The following CHD7 variants were observed in gnomAD, a reference collection of about 807,000 sequenced individuals.
The protein encoded by CHD7 is ATP-dependent chromatin remodeler CHD7.
In CHD7, 24 loss-of-function variants were observed where a neutral mutation model predicts 307.3. The observed-to-expected ratio is 0.08, with a 90% CI of 0.06 to 0.11. CHD7 has a LOEUF of 0.11. Ranked by LOEUF, CHD7 falls within the 10% of genes least tolerant of loss-of-function variation. The pLI is 1.00. For synonymous variants in CHD7, 1,363 were observed against 1,349.9 expected (o/e 1.01, Z -0.21); for missense variants, 3,106 against 3,727.1 (o/e 0.83, Z 4.34).
chr8:60,701,715 T>C (rs1806770638), intron 1 of CHD7, among the ~76,000 whole-genome samples: 1 of 152,248 alleles, frequency 6.6e-6, no homozygotes, highest in South Asian at 2.1e-4. Flanking sequence ...AAAAACACTG[T>C]TGGTTTGAAA....
intron 34 of CHD7, among the ~76,000 whole-genome samples, chr8:60,858,641 T>C (rs1805826179): frequency 6.6e-6 from 1 of 152,264 alleles, no homozygotes; most frequent in Admixed American, 6.5e-5. Context: ...AGGGTCTCAC[T>C]CTTTCGCCCA....
chr8:60,774,820 A>T (rs572780443), intron 2 of CHD7, among the ~76,000 whole-genome samples: 1 of 152,314 alleles, frequency 6.6e-6, no homozygotes, highest in South Asian at 2.1e-4. Context: ...TGCTTATGTT[A>T]TCCCAGTCAA....
At chr8:60,772,377 C>G (rs1029351623) in intron 2 of CHD7, among the ~76,000 whole-genome samples, 25 of 152,144 alleles carry the variant, frequency 1.6e-4, no homozygotes, top group African/African-American at 6.0e-4. Flanking sequence ...AATATTGATC[C>G]TTTTAAGGTA....
intron 7 of CHD7, among the ~76,000 whole-genome samples, chr8:60,812,130 A>G (rs1046512133): frequency 6.6e-6 from 1 of 152,166 alleles, no homozygotes; most frequent in Non-Finnish European, 1.5e-5. Flanking sequence ...TGCATTGCCC[A>G]TTAAAATTTT....
chr8:60,765,316 G>A (rs1810422901), intron 2 of CHD7, among the ~76,000 whole-genome samples: 1 of 151,912 alleles, frequency 6.6e-6, no homozygotes, highest in African/African-American at 2.4e-5. Flanking sequence ...GCACGCACGT[G>A]TATTTATATA....
At chr8:60,824,060 GTTGCTGAC>G (rs760024074) in intron 13 of CHD7, 44 bp downstream of exon 13, 19 of 1,551,724 alleles carry the variant, frequency 1.2e-5, no homozygotes, top group Non-Finnish European at 1.6e-5. Flanking sequence ...GAATAGAATT[GTTGCTGAC>G]TTGATAGTCC....
rs780658343 is a variant in CHD7 at position 60,800,440 on chromosome 8, A to T, written c.2291A>T (p.Glu764Val). The change falls in exon 5 of 38, where the codon GAG becomes GTG. Residue 764 changes from glutamate (E) to valine (V), a missense_variant. Coordinates refer to ENST00000423902, the MANE Select transcript of CHD7 (RefSeq NM_017780.4). ...VKRKRYTEDL[E>V]FKISDEEADD... ...AGAAAGCGCTACACTGAAGACCTGG[A>T]GTTCAAGATTTCTGATGAGGAGGCA... 3.7e-6 allele frequency: 6 copies of T among 1,613,748 alleles called. No individual in the cohort carries two copies. The African/African-American group carries it at 8.0e-5, about 22-fold the overall frequency.
chr8:60,747,530 T>C (rs956490917), intron 2 of CHD7, among the ~76,000 whole-genome samples: 1 of 152,266 alleles, frequency 6.6e-6, no homozygotes, highest in Non-Finnish European at 1.5e-5. Flanking sequence ...TGGCATTGTT[T>C]TATATTTATC....
chr8:60,806,552 A>G (rs1241610403), intron 6 of CHD7, among the ~76,000 whole-genome samples: 1 of 152,256 alleles, frequency 6.6e-6, no homozygotes, highest in Non-Finnish European at 1.5e-5. Context: ...AAAGTTTATG[A>G]CATAGAAGGT....
chr8:60,711,459 T>A (rs1807276577), intron 1 of CHD7, among the ~76,000 whole-genome samples: 1 of 152,240 alleles, frequency 6.6e-6, no homozygotes, highest in African/African-American at 2.4e-5. Context: ...TGAGTACTGA[T>A]GAAAACCATG....
intron 15 of CHD7, among the ~76,000 whole-genome samples, chr8:60,831,987 C>T (rs534852235): frequency 1.6e-4 from 25 of 151,800 alleles, no homozygotes; most frequent in African/African-American, 3.1e-4. Context: ...TGGTGTGATG[C>T]GACGAATCAG....
At chr8:60,860,788 A>G in intron 34 of CHD7, 116 bp from the exon 35 acceptor site, 1 of 800,454 alleles carries the variant, frequency 1.2e-6, no homozygotes, top group Non-Finnish European at 2.0e-6. Flanking sequence ...TGTTTCTAGT[A>G]ACTATTTTCT....
intron 1 of CHD7, among the ~76,000 whole-genome samples, chr8:60,679,314 C>T (rs1805441757): frequency 1.4e-5 from 2 of 146,722 alleles, no homozygotes; most frequent in South Asian, 2.1e-4. Context: ...CGAACCCGCG[C>T]CCCGAGCGCC....
In CHD7 at chr8:60,741,611, A is replaced by G. The variant is rs749583783; in HGVS notation, c.179A>G (p.Asn60Ser). Reference sequence around the variant, plus strand: ...CCATCCCTTCATCATCCTTCAACTAATCAAAATCAAACAAAGCTGACACAT... The same window carrying G: ...CCATCCCTTCATCATCCTTCAACTAGTCAAAATCAAACAAAGCTGACACAT... ...LQPSLHHPST[N>S]QNQTKLTHFD... The change falls in exon 2 of 38, where the codon AAT becomes AGT. Residue 60 changes from asparagine to serine, a missense_variant. By Grantham distance (46) the Asn-to-Ser change is conservative. Coordinates refer to ENST00000423902, the MANE Select transcript of CHD7 (RefSeq NM_017780.4). 6.2e-7 allele frequency: 1 copy of G among 1,613,782 alleles called. No individual in the cohort carries two copies. The highest frequency in any genetic ancestry group is 2.2e-5 in the East Asian group (1 of 44,888).
intron 26 of CHD7, 60 bp downstream of exon 26, chr8:60,850,682 G>C: frequency 6.5e-7 from 1 of 1,535,430 alleles, no homozygotes; most frequent in Non-Finnish European, 8.8e-7. Context: ...CTATTGGCAG[G>C]GTTCAGTTCT....
rs1296060326 is a variant in CHD7, at chr8:60,741,870, C to T, written c.438C>T (p.Gly146=). The T allele has an allele frequency of 4.3e-6, 7 of 1,613,760 alleles. No individual in the cohort carries two copies. The highest frequency in any genetic ancestry group is 1.1e-5 in the South Asian group (1 of 91,048). The change falls in exon 2 of 38, where the codon GGC becomes GGT. Residue 146 remains glycine, a synonymous_variant. Coordinates refer to ENST00000423902, the MANE Select transcript of CHD7 (RefSeq NM_017780.4). ...QSFVDSSSMW[G]PRAVQVPDQI... is the part of the protein sequence containing the mutation. Reference sequence around the variant, plus strand: ...TTGTGGACAGCAGCTCCATGTGGGGCCCCAGGGCTGTTCAGGTACCAGACC... The same window carrying T: ...TTGTGGACAGCAGCTCCATGTGGGGTCCCAGGGCTGTTCAGGTACCAGACC...
chr8:60,802,811 T>C (rs1812373054), intron 6 of CHD7, among the ~76,000 whole-genome samples: 2 of 152,358 alleles, frequency 1.3e-5, no homozygotes, highest in South Asian at 4.1e-4. Context: ...GAGTGATCCT[T>C]GAACATGTTA....
In CHD7 at chr8:60,862,369, C is replaced by G; in HGVS notation, c.7971+33C>G. The G allele has an allele frequency of 2.5e-6, 4 of 1,579,016 alleles. No individual in the cohort carries two copies. The African/African-American group carries it at 4.1e-5, about 16-fold the overall frequency. On this transcript the variant is annotated intron_variant, in intron 36 of 37. Coordinates refer to ENST00000423902, the MANE Select transcript of CHD7 (RefSeq NM_017780.4). ...CTGGGAAAGGGAATTGATCACTATG[C>G]GATTTCTTAGCCCAGAAGGAAGTGT...
rs1389183344 is a variant in CHD7 at position 60,856,741 on chromosome 8, A to G, written c.7461A>G (p.Ala2487=). 7 of 1,614,090 alleles carry G rather than the reference A, an allele frequency of 4.3e-6. No homozygotes were observed. In the South Asian group the frequency reaches 6.6e-5, roughly 15 times the overall value. ...AGACTCAAATGGAACTGCTCCAAGC[A>G]GGCCTTTCGCGCACACCCACAAGGC... ...AFKTQMELLQ[A]GLSRTPTRHL... The change falls in exon 34 of 38, where the codon GCA becomes GCG. Residue 2487 remains alanine, a synonymous_variant. Transcript: ENST00000423902.
Sources: allele counts gnomAD v4.1 joint callset (sites outside exome capture counted in the v4.1 genomes callset), GRCh38; gene constraint gnomAD v4.1.1; transcripts MANE v1.5; gene names NCBI Gene and HGNC (gene_info 2026-07-23, HGNC 2026-07-21).